The following KCNAB1 variants were observed in gnomAD, a reference collection of about 807,000 sequenced individuals.
KCNAB1 encodes voltage-gated potassium channel subunit beta-1.
A neutral mutation model predicts 64.6 loss-of-function variants in KCNAB1; 35 were observed. The ratio of observed to expected loss-of-function variants is 0.54; its 90% CI spans 0.41 to 0.72. KCNAB1 has a LOEUF of 0.72. Ranked by LOEUF, KCNAB1 falls within the 30% of genes least tolerant of loss-of-function variation. The pLI is 0.00. For missense variants in KCNAB1, 401 were observed against 512.9 expected (o/e 0.78, Z 2.11); for synonymous variants, 177 against 183.8 (o/e 0.96, Z 0.30).
intron 1 of KCNAB1, among the ~76,000 whole-genome samples, chr3:156,378,439 G>A (rs1244693585): frequency 6.6e-6 from 1 of 152,110 alleles, no homozygotes; most frequent in Non-Finnish European, 1.5e-5. Flanking sequence ...AACTATGCAT[G>A]CATGGTTTGT....
chr3:156,212,543 T>C (rs1715075311), intron 1 of KCNAB1, among the ~76,000 whole-genome samples: 1 of 152,162 alleles, frequency 6.6e-6, no homozygotes, highest in Non-Finnish European at 1.5e-5. Context: ...TTACTGGCTA[T>C]GTGGGGGATG....
intron 2 of KCNAB1, among the ~76,000 whole-genome samples, chr3:156,438,639 T>C (rs114669159): frequency 0.017 from 2,598 of 152,322 alleles, 71 homozygotes; most frequent in South Asian, 0.11. Flanking sequence ...TGAGCACCTG[T>C]TGTATGCTTG....
chr3:156,134,198 G>T (rs1714161801), intron 1 of KCNAB1, among the ~76,000 whole-genome samples: 1 of 152,134 alleles, frequency 6.6e-6, no homozygotes, highest in African/African-American at 2.4e-5. Context: ...ATCCTCAGGG[G>T]CTATTAAAGC....
Position 156,508,811 on chromosome 3 carries a change from T to A in KCNAB1, c.659-5553T>A, listed in dbSNP as rs1158648835. On this transcript the variant is annotated intron_variant, in intron 8 of 13. Transcript: ENST00000490337. This position sits in a 1 kb window ranked among gnomAD's most constrained non-coding sequence, Gnocchi z 4.1. ...ACCTGTGTGCTAGGGATACAGGGAG[T>A]ATGTACGAGAGCTGCCTGTGGCGGG... Among the ~76,000 whole-genome samples, 1 of 151,974 alleles carries A rather than the reference T, an allele frequency of 6.6e-6. No individual in the cohort carries two copies. The highest frequency in any genetic ancestry group is 1.9e-4 in the East Asian group (1 of 5,198).
intron 5 of KCNAB1, among the ~76,000 whole-genome samples, chr3:156,461,629 A>G (rs1712916733): frequency 1.3e-5 from 2 of 152,220 alleles, no homozygotes; most frequent in African/African-American, 4.8e-5. Context: ...GAGGTCTGCA[A>G]CAAGGCGTAG....
At chr3:156,246,874 T>C (rs1180569424) in intron 1 of KCNAB1, among the ~76,000 whole-genome samples, 3 of 152,302 alleles carry the variant, frequency 2.0e-5, no homozygotes, top group Non-Finnish European at 4.4e-5. Context: ...ACAGGAACTT[T>C]TTTTGTGTAA....
intron 1 of KCNAB1, among the ~76,000 whole-genome samples, chr3:156,158,931 G>A (rs1267729267): frequency 3.3e-5 from 5 of 152,110 alleles, no homozygotes; most frequent in Admixed American, 3.3e-4. Flanking sequence ...GACCTTATCT[G>A]GGAGATGAGA....
upstream of KCNAB1, among the ~76,000 whole-genome samples, chr3:156,118,636 G>A (rs933594104): frequency 6.6e-5 from 10 of 152,228 alleles, no homozygotes; most frequent in African/African-American, 2.2e-4. Flanking sequence ...GCACTGGTAC[G>A]TGATGGAGTT....
chr3:156,311,951 C>T (rs1163888379), intron 1 of KCNAB1, among the ~76,000 whole-genome samples: 1 of 152,230 alleles, frequency 6.6e-6, no homozygotes, highest in Non-Finnish European at 1.5e-5. Context: ...TCATAAGCTG[C>T]ATGTCCCTAC....
intron 2 of KCNAB1, among the ~76,000 whole-genome samples, chr3:156,451,671 A>G (rs1712014670): frequency 6.6e-6 from 1 of 151,872 alleles, no homozygotes; most frequent in African/African-American, 2.4e-5. Flanking sequence ...CCCAAATATC[A>G]CTTGTGCCCA....
At chr3:156,280,682 A>C (rs1354313413) in intron 1 of KCNAB1, among the ~76,000 whole-genome samples, 1 of 150,812 alleles carries the variant, frequency 6.6e-6, no homozygotes, top group Non-Finnish European at 1.5e-5. Flanking sequence ...GAGGTCCTTC[A>C]CATCCCTTGT....
At chr3:156,282,723 G>C (rs1360467835) in intron 1 of KCNAB1, among the ~76,000 whole-genome samples, 1 of 134,386 alleles carries the variant, frequency 7.4e-6, no homozygotes, top group Non-Finnish European at 1.6e-5. Context: ...TTATGTAATG[G>C]CCTTCTTTGT....
At chr3:156,267,715 C>A (rs989010130) in intron 1 of KCNAB1, among the ~76,000 whole-genome samples, 3 of 151,986 alleles carry the variant, frequency 2.0e-5, no homozygotes, top group Non-Finnish European at 2.9e-5. Flanking sequence ...TTCTTTTCTG[C>A]CCTTACTGCC....
At chr3:156,305,622 A>G (rs1263607107) in intron 1 of KCNAB1, among the ~76,000 whole-genome samples, 1 of 152,206 alleles carries the variant, frequency 6.6e-6, no homozygotes, top group African/African-American at 2.4e-5. Context: ...TGCCATAATG[A>G]CTGGAAACTA....
chr3:156,531,779 G>A (rs1026616690), intron 13 of KCNAB1, among the ~76,000 whole-genome samples: 2 of 152,170 alleles, frequency 1.3e-5, no homozygotes, highest in African/African-American at 2.4e-5. Flanking sequence ...CATAAAAGCC[G>A]GCCTGATAAC....
intron 2 of KCNAB1, among the ~76,000 whole-genome samples, chr3:156,430,923 A>C (rs998044894): frequency 1.3e-5 from 2 of 152,218 alleles, no homozygotes; most frequent in African/African-American, 2.4e-5. Context: ...ACTTTGGACT[A>C]GAAAATGTCA....
At chr3:156,480,933 T>C (rs1051597479) in intron 8 of KCNAB1, among the ~76,000 whole-genome samples, 11 of 152,160 alleles carry the variant, frequency 7.2e-5, no homozygotes, top group Admixed American at 1.3e-4. Context: ...GTTTGAGTGA[T>C]TGAATGAATA....
At chr3:156,135,573 A>C (rs115156768) in intron 1 of KCNAB1, among the ~76,000 whole-genome samples, 58 of 152,346 alleles carry the variant, frequency 3.8e-4, no homozygotes, top group African/African-American at 1.3e-3. Context: ...AGACTCCTAG[A>C]TATTTTAGAT....
chr3:156,171,683 T>A (rs1287010952), intron 1 of KCNAB1, among the ~76,000 whole-genome samples: 1 of 152,190 alleles, frequency 6.6e-6, no homozygotes, highest in Non-Finnish European at 1.5e-5. Context: ...CTGTTCAAAG[T>A]GTTTATTTCA....
Sources: allele counts gnomAD v4.1 joint callset (sites outside exome capture counted in the v4.1 genomes callset), GRCh38; gene constraint gnomAD v4.1.1; non-coding constraint Gnocchi (gnomAD v3.1); transcripts MANE v1.5; gene names NCBI Gene and HGNC (gene_info 2026-07-23, HGNC 2026-07-21).